Variants in CACNA1S observed in about 807,000 individuals in gnomAD.
CACNA1S encodes calcium voltage-gated channel subunit alpha1 S.
In CACNA1S, 126 loss-of-function variants were observed where a neutral mutation model predicts 207.4. That is an observed-to-expected ratio of 0.61 (90% CI 0.53 to 0.70). The LOEUF (loss-of-function observed/expected upper bound fraction) is 0.70. Among genes scored for constraint, CACNA1S ranks in the 30% least tolerant of loss-of-function variants. CACNA1S has a pLI of 0.00. For synonymous variants in CACNA1S, 960 were observed against 932.7 expected, an observed-to-expected ratio of 1.03 and a Z score of -0.53; for missense variants, 2,349 against 2,422.8, an observed-to-expected ratio of 0.97 and a Z score of 0.64.
chr1:201,052,610 T>A lies in CACNA1S; in HGVS notation c.3900A>T (p.Ile1300=). The change falls in exon 32 of 44, where the codon ATA becomes ATT. Residue 1300 remains isoleucine, a synonymous_variant. Transcript: ENST00000362061. The part of the protein sequence containing the change: ...GKIALVDGTQ[I]NRNNNFQTFP... The stretch of plus-strand genomic sequence containing the variant: ...AGGTCTGGAAGTTGTTGTTCCGGTT[T>A]ATTTGGGTCCCATCCACCAAGGCGA... The A allele has an allele frequency of 6.2e-7, 1 of 1,613,938 alleles. No individual in the cohort carries two copies. The highest frequency in any genetic ancestry group is 1.3e-5 in the African/African-American group (1 of 74,954).
intron 2 of CACNA1S, among the ~76,000 whole-genome samples, chr1:201,104,886 T>C (rs78533316): frequency 0.019 from 2,823 of 152,346 alleles, 99 homozygotes; most frequent in African/African-American, 0.065. Context: ...CACCTGGGCA[T>C]GTGCAGTGAT....
intron 11 of CACNA1S, 139 bp from the exon 12 acceptor site, chr1:201,077,266 G>T: frequency 1.4e-6 from 1 of 710,664 alleles, no homozygotes; most frequent in South Asian, 1.6e-5. Context: ...GAAGACCCTG[G>T]ATTCATGGCT....
At position 201,070,373 on chromosome 1, in the gene CACNA1S, C is replaced by G. The variant is rs200971359; in HGVS notation, c.2259G>C (p.Pro753=). The change falls in exon 17 of 44, where the codon CCG becomes CCC. Residue 753 remains proline (P), a synonymous_variant. Transcript: ENST00000362061. ...GDDEEDEPEI[P]LSPRPRPLAE... ...CCAGGGGACGTGGTCGGGGGCTCAGCGGGATCTCAGGCTCATCTTCCTCGT... is the reference window on the plus strand; with the variant it reads ...CCAGGGGACGTGGTCGGGGGCTCAGGGGGATCTCAGGCTCATCTTCCTCGT... 2 of 1,614,042 alleles carry G rather than the reference C, an allele frequency of 1.2e-6. No individual in the cohort carries two copies. The highest frequency in any genetic ancestry group is 2.2e-5 in the East Asian group (1 of 44,884).
At chr1:201,094,077 C>T (rs2102167804) in intron 2 of CACNA1S, 56 bp from the exon 3 acceptor site, 2 of 1,610,004 alleles carry the variant, frequency 1.2e-6, no homozygotes, top group Non-Finnish European at 1.7e-6. Flanking sequence ...TGCACCCTTG[C>T]TCTCTTCCCT....
chr1:201,059,025 C>A (rs1660949677), intron 27 of CACNA1S, among the ~76,000 whole-genome samples, 164 bp downstream of exon 27: 1 of 152,196 alleles, frequency 6.6e-6, no homozygotes, highest in Non-Finnish European at 1.5e-5. Context: ...GATCTGCCTG[C>A]CCTGTGTCTG....
At chr1:201,043,740 C>T (rs1019412736) in intron 39 of CACNA1S, among the ~76,000 whole-genome samples, 4 of 152,084 alleles carry the variant, frequency 2.6e-5, no homozygotes, top group African/African-American at 9.7e-5. Flanking sequence ...ACAGCACACA[C>T]CTAAGGAGGT....
At chr1:201,111,846 C>T (rs1231351127) in intron 1 of CACNA1S, among the ~76,000 whole-genome samples, 2 of 152,116 alleles carry the variant, frequency 1.3e-5, no homozygotes, top group Admixed American at 6.5e-5. Flanking sequence ...GTAGGCATCT[C>T]TGGTTGTCAT....
chr1:201,069,042 T>C, intron 19 of CACNA1S, 95 bp downstream of exon 19: 1 of 1,121,976 alleles, frequency 8.9e-7, no homozygotes, highest in Non-Finnish European at 1.4e-6. Context: ...TCCACCTCTT[T>C]TCTGCTTCTC....
rs145340252 is a variant in CACNA1S, at chr1:201,043,333, C to A, written c.4996G>T (p.Ala1666Ser). The change falls in exon 40 of 44, where the codon GCC becomes TCC. Residue 1666 changes from alanine (A) to serine (S), a missense_variant. By Grantham distance (99) the Ala-to-Ser change is moderately conservative. Transcript: ENST00000362061. ...TTGCTGTTGCCATAGGCGACATTGG[C>A]GTTGGCATTGTTGGTATTGGCACGA... The part of the protein sequence containing the change: ...LARANTNNAN[A>S]NVAYGNSNHS... 3.1e-6 allele frequency: 5 copies of A among 1,614,166 alleles called. No homozygotes were observed. Among genetic ancestry groups the A allele is most frequent in the Non-Finnish European group, 4.2e-6 (5 of 1,180,032 alleles).
In CACNA1S at chr1:201,093,923, G is replaced by A. The variant is rs1347887691; in HGVS notation, c.357C>T (p.Arg119=). 6.2e-7 allele frequency: 1 copy of A among 1,614,244 alleles called. No individual in the cohort carries two copies. Among genetic ancestry groups the A allele is most frequent in the South Asian group, 1.1e-5 (1 of 91,078 alleles). Residue 119 remains arginine, a synonymous_variant, in exon 3 of 44, where the codon CGC becomes CGT. Coordinates refer to ENST00000362061, the MANE Select transcript of CACNA1S (RefSeq NM_000069.3). The part of the protein sequence containing the change: ...GFLFHQDAYL[R]SGWNVLDFTI... ...TGAAGTCCAGCACATTCCAGCCACT[G>A]CGCAGGTAAGCGTCCTGGTGGAATA...
intron 9 of CACNA1S, among the ~76,000 whole-genome samples, chr1:201,083,638 C>T (rs371865099): frequency 3.3e-5 from 5 of 152,186 alleles, no homozygotes; most frequent in African/African-American, 1.2e-4. Context: ...TGAGATGCCA[C>T]GTTTTGCCCC....
intron 5 of CACNA1S, 144 bp downstream of exon 5, chr1:201,091,496 C>A: frequency 1.1e-6 from 1 of 934,584 alleles, no homozygotes; most frequent in Non-Finnish European, 1.7e-6. Flanking sequence ...CCAAGTCCCC[C>A]TTATCCAGGA....
At chr1:201,091,033 A>G (rs913980553) in intron 5 of CACNA1S, among the ~76,000 whole-genome samples, 1 of 152,216 alleles carries the variant, frequency 6.6e-6, no homozygotes, top group Admixed American at 6.5e-5. Context: ...TTCTCATACC[A>G]TGAATATCAA....
intron 24 of CACNA1S, 107 bp downstream of exon 24, chr1:201,061,837 C>A: frequency 1.5e-6 from 2 of 1,309,386 alleles, no homozygotes; most frequent in African/African-American, 1.4e-5. Flanking sequence ...TTGTTGGACG[C>A]CTGCCACAGG....
intron 9 of CACNA1S, 38 bp downstream of exon 9, chr1:201,084,912 G>A (rs1369264616): frequency 1.5e-6 from 2 of 1,373,538 alleles, no homozygotes; most frequent in Non-Finnish European, 2.1e-6. Context: ...CAGGGAGCTG[G>A]GGGTTGGGGG....
At chr1:201,072,853 A>C in intron 15 of CACNA1S, 29 bp from the exon 16 acceptor site, 1 of 1,586,200 alleles carries the variant, frequency 6.3e-7, no homozygotes, top group Non-Finnish European at 8.7e-7. Context: ...TGACTATAAC[A>C]ATGAAAAAGA....
At chr1:201,057,487 A>T (rs1162494879) in intron 28 of CACNA1S, among the ~76,000 whole-genome samples, 1 of 152,166 alleles carries the variant, frequency 6.6e-6, no homozygotes, top group Non-Finnish European at 1.5e-5. Flanking sequence ...TGATTTATTT[A>T]TTGCCAGTTT....
intron 2 of CACNA1S, among the ~76,000 whole-genome samples, chr1:201,105,016 C>A (rs1662824955): frequency 6.6e-6 from 1 of 152,210 alleles, no homozygotes; most frequent in Non-Finnish European, 1.5e-5. Context: ...TGACAATATG[C>A]AAGTAATCGA....
intron 4 of CACNA1S, 31 bp from the exon 5 acceptor site, chr1:201,091,823 G>A (rs1469014558): frequency 6.2e-7 from 1 of 1,606,032 alleles, no homozygotes; most frequent in Non-Finnish European, 8.5e-7. Context: ...GGGAAAAGAG[G>A]AGTCGCCTCT....
Sources: allele counts gnomAD v4.1 joint callset (sites outside exome capture counted in the v4.1 genomes callset), GRCh38; gene constraint gnomAD v4.1.1; transcripts MANE v1.5; gene names NCBI Gene and HGNC (gene_info 2026-07-23, HGNC 2026-07-21).